The following CTNNA3 variants were observed in gnomAD, a reference collection of about 807,000 sequenced individuals.
CTNNA3 encodes catenin alpha 3.
In CTNNA3, 76 loss-of-function variants were observed where a neutral mutation model predicts 95.7. The observed-to-expected ratio is 0.79, with a 90% CI of 0.66 to 0.96. The LOEUF (loss-of-function observed/expected upper bound fraction) is 0.96, where lower values mean the gene tolerates loss of function less well. Ranked by LOEUF, CTNNA3 falls within the 40% of genes least tolerant of loss-of-function variation. The probability of loss-of-function intolerance (pLI) is 0.00; values close to 1 mark genes in which losing one functional copy is unlikely to be tolerated. For synonymous variants in CTNNA3, 431 were observed against 374.4 expected (o/e 1.15, Z -1.74); for missense variants, 1,191 against 1,089.8 (o/e 1.09, Z -1.31).
At chr10:67,184,979 A>T (rs1248711414) in intron 6 of CTNNA3, among the ~76,000 whole-genome samples, 2 of 152,204 alleles carry the variant, frequency 1.3e-5, no homozygotes, top group Non-Finnish European at 2.9e-5. Context: ...TTTTTATAAT[A>T]CACATTCTTC....
At chr10:66,447,090 A>C (rs1474119935) in intron 11 of CTNNA3, among the ~76,000 whole-genome samples, 1 of 151,776 alleles carries the variant, frequency 6.6e-6, no homozygotes, top group Admixed American at 6.6e-5. Context: ...TTCAAAGAGA[A>C]TAAAATACCT....
chr10:67,252,597 T>C (rs1192312363), intron 5 of CTNNA3, among the ~76,000 whole-genome samples: 1 of 152,218 alleles, frequency 6.6e-6, no homozygotes, highest in Non-Finnish European at 1.5e-5. Flanking sequence ...CTTCTTCTTG[T>C]AATGATTTGA....
intron 13 of CTNNA3, among the ~76,000 whole-genome samples, chr10:66,225,151 T>A (rs2089202735): frequency 6.6e-6 from 1 of 151,738 alleles, no homozygotes; most frequent in South Asian, 2.1e-4. Flanking sequence ...CTTTATTGCA[T>A]CTAGCTGTAA....
chr10:66,220,215 C>CA (rs557487313), intron 13 of CTNNA3, among the ~76,000 whole-genome samples: 19 of 146,694 alleles, frequency 1.3e-4, no homozygotes, highest in Admixed American at 2.1e-4. Flanking sequence ...GAGTTTTTCC[C>CA]AAAAAATGTG....
chr10:66,570,158 A>G (rs965883883), intron 10 of CTNNA3, among the ~76,000 whole-genome samples: 3 of 152,178 alleles, frequency 2.0e-5, no homozygotes, highest in Admixed American at 6.5e-5. Flanking sequence ...TACTTCAGTT[A>G]GAAGTTTTAG....
chr10:67,242,400 T>G (rs1318398243), intron 5 of CTNNA3, among the ~76,000 whole-genome samples: 1 of 152,242 alleles, frequency 6.6e-6, no homozygotes. Flanking sequence ...AAAAGTGTTT[T>G]GCTTTTTAGT....
chr10:66,547,492 G>A (rs1267286364), intron 10 of CTNNA3, among the ~76,000 whole-genome samples: 5 of 150,962 alleles, frequency 3.3e-5, no homozygotes, highest in Admixed American at 6.6e-5. Flanking sequence ...ACAGGCGCCC[G>A]CCACCACGCC....
chr10:66,256,393 C>T (rs2090774946), intron 13 of CTNNA3, among the ~76,000 whole-genome samples: 2 of 152,124 alleles, frequency 1.3e-5, no homozygotes, highest in Non-Finnish European at 2.9e-5. Context: ...TGCAGCCTTT[C>T]CAGTTTTCAA....
intron 5 of CTNNA3, among the ~76,000 whole-genome samples, chr10:67,485,706 G>T (rs531296870): frequency 6.6e-6 from 1 of 152,244 alleles, no homozygotes; most frequent in African/African-American, 2.4e-5. Flanking sequence ...TCTCCCCTTT[G>T]AACAGGAGTA....
At chr10:66,193,325 G>C (rs997568800) in intron 13 of CTNNA3, among the ~76,000 whole-genome samples, 7 of 152,206 alleles carry the variant, frequency 4.6e-5, no homozygotes, top group Admixed American at 4.6e-4. Flanking sequence ...TACAATTGCT[G>C]GGACAAAAAC....
intron 11 of CTNNA3, among the ~76,000 whole-genome samples, chr10:66,416,101 A>C (rs953172053): frequency 3.5e-5 from 5 of 143,782 alleles, no homozygotes; most frequent in African/African-American, 1.0e-4. Flanking sequence ...AAATGTAACA[A>C]AGTGATAGAT....
chr10:66,820,668 T>C (rs1842276491), intron 7 of CTNNA3, among the ~76,000 whole-genome samples: 1 of 150,070 alleles, frequency 6.7e-6, no homozygotes, highest in South Asian at 2.1e-4. Flanking sequence ...AAATTGTCCA[T>C]GTTAGTTGTA....
At chr10:67,125,951 T>C (rs1268646112) in intron 7 of CTNNA3, among the ~76,000 whole-genome samples, 1 of 152,238 alleles carries the variant, frequency 6.6e-6, no homozygotes, top group Non-Finnish European at 1.5e-5. Context: ...ATGCCCTTTT[T>C]AAGAGTACTT....
At chr10:66,664,563 G>C (rs1589092578) in intron 9 of CTNNA3, among the ~76,000 whole-genome samples, 1 of 151,988 alleles carries the variant, frequency 6.6e-6, no homozygotes, top group African/African-American at 2.4e-5. Context: ...ACAGATACAG[G>C]CTCATTATCT....
intron 9 of CTNNA3, among the ~76,000 whole-genome samples, chr10:66,622,142 T>C (rs1844772786): frequency 6.6e-6 from 1 of 152,310 alleles, no homozygotes; most frequent in Non-Finnish European, 1.5e-5. Flanking sequence ...CTCATATGAT[T>C]GTGATTTATT....
intron 11 of CTNNA3, among the ~76,000 whole-genome samples, chr10:66,392,322 C>T (rs564872030): frequency 1.1e-4 from 17 of 151,834 alleles, no homozygotes; most frequent in South Asian, 2.1e-4. Context: ...CCTAACTACT[C>T]GGGAGGTTGT....
chr10:67,011,816 G>C (rs565616694), intron 7 of CTNNA3, among the ~76,000 whole-genome samples: 65 of 152,214 alleles, frequency 4.3e-4, no homozygotes, highest in Admixed American at 1.9e-3. Flanking sequence ...AGCAGAACTT[G>C]AGGAAGTAAT....
chr10:66,133,054 A>G (rs984964071), intron 13 of CTNNA3, among the ~76,000 whole-genome samples: 1 of 152,106 alleles, frequency 6.6e-6, no homozygotes, highest in African/African-American at 2.4e-5. Context: ...CTAAAATAAC[A>G]TTTTTTTAAA....
chr10:67,335,260 G>A (rs1321392498), intron 5 of CTNNA3, among the ~76,000 whole-genome samples: 2 of 152,150 alleles, frequency 1.3e-5, no homozygotes, highest in Non-Finnish European at 2.9e-5. Context: ...GCAATGGAAT[G>A]GAGTCCTGTC....
Sources: allele counts gnomAD v4.1 joint callset (sites outside exome capture counted in the v4.1 genomes callset), GRCh38; gene constraint gnomAD v4.1.1; transcripts MANE v1.5; gene names NCBI Gene and HGNC (gene_info 2026-07-23, HGNC 2026-07-21).